Variants in TIMM50 observed in about 807,000 individuals in gnomAD.
TIMM50 encodes mitochondrial import inner membrane translocase subunit TIM50.
A neutral mutation model predicts 49.6 loss-of-function variants in TIMM50; 34 were observed. The ratio of observed to expected loss-of-function variants is 0.69; its 90% CI spans 0.52 to 0.91. The LOEUF is 0.91. TIMM50 is among the 40% of genes least tolerant of loss of function. The probability of loss-of-function intolerance (pLI) is 0.00; values close to 1 mark genes in which losing one functional copy is unlikely to be tolerated. For synonymous variants in TIMM50, 199 were observed against 198.4 expected, an observed-to-expected ratio of 1.00 and a Z score of -0.03; for missense variants, 458 against 477.8, an observed-to-expected ratio of 0.96 and a Z score of 0.39.
rs1007541754 is a variant in TIMM50, at chr19:39,493,650, C to T, written c.*3830C>T. On this transcript the variant is annotated 3_prime_UTR_variant, in exon 11 of 11. Coordinates refer to ENST00000607714, the MANE Select transcript of TIMM50 (RefSeq NM_001001563.5). ...CACCTTGCGACCCCCCACTCCTGCC[C>T]GCCCTTTGACTGTAATTTTCCATTA... 3 of 152,130 alleles carry T rather than the reference C, an allele frequency of 2.0e-5. No homozygotes were observed. Among genetic ancestry groups the T allele is most frequent in the Admixed American group, 6.5e-5 (1 of 15,274 alleles). 9.4% of individuals were successfully genotyped at this position (152,130 alleles called of 1,614,324 possible). A position where few individuals can be genotyped will look rare whatever the true frequency, so the allele number is the denominator to read the frequency against.
intron 6 of TIMM50, 124 bp downstream of exon 6, chr19:39,485,931 G>C: frequency 2.9e-6 from 4 of 1,397,270 alleles, no homozygotes; most frequent in Non-Finnish European, 3.9e-6. Flanking sequence ...TCATTGCCTC[G>C]CTTTCTTCAG....
rs1278522733 is a variant in TIMM50, at chr19:39,492,917, A to G, written c.*3097A>G. The stretch of plus-strand genomic sequence containing the variant: ...ACAAAAAAAAAACCAGTTTGACTTT[A>G]TCTCCCTCGCCCTGCCTCCATCCCC... On this transcript the variant is annotated 3_prime_UTR_variant, in exon 11 of 11. Coordinates refer to ENST00000607714, the MANE Select transcript of TIMM50 (RefSeq NM_001001563.5). 1 of 137,688 alleles carries G rather than the reference A, an allele frequency of 7.3e-6. No homozygotes were observed. The highest frequency in any genetic ancestry group is 2.7e-5 in the African/African-American group (1 of 37,452). 8.5% of individuals were successfully genotyped at this position (137,688 alleles called of 1,614,324 possible). A position where few individuals can be genotyped will look rare whatever the true frequency, so the allele number is the denominator to read the frequency against.
chr19:39,481,004 C>T, intron 1 of TIMM50, 43 bp downstream of exon 1: 1 of 1,531,736 alleles, frequency 6.5e-7, no homozygotes, highest in Non-Finnish European at 8.7e-7. Context: ...GGGTCCCTTC[C>T]CTGGAGTTAC....
chr19:39,484,116 G>T (rs2146151861), intron 4 of TIMM50, among the ~76,000 whole-genome samples: 1 of 152,254 alleles, frequency 6.6e-6, no homozygotes, highest in South Asian at 2.1e-4. Flanking sequence ...GCCTCCCAAA[G>T]TGCTGGGATT....
In TIMM50 at chr19:39,482,018, G is replaced by A. The variant is rs780074231; in HGVS notation, c.244G>A (p.Val82Ile). ...GLLGAGGTVS[V>I]VYIFGNNPVD... ...GCTTGGAGCTGGTGGGACTGTGAGC[G>A]TCGTCTATATCTTTGGTGAGGGACA... Residue 82 changes from valine (V) to isoleucine (I), a missense_variant, in exon 2 of 11, where the codon GTC (valine) becomes ATC (isoleucine). Coordinates refer to ENST00000607714, the MANE Select transcript of TIMM50 (RefSeq NM_001001563.5). The A allele has an allele frequency of 1.2e-6, 2 of 1,614,038 alleles. No individual in the cohort carries two copies. The highest frequency in any genetic ancestry group is 1.1e-5 in the South Asian group (1 of 91,080).
rs1347108197 is a variant in TIMM50, at chr19:39,493,037, A to T, written c.*3217A>T. 6.6e-6 allele frequency: 1 copy of T among 151,778 alleles called. No individual in the cohort carries two copies. The highest frequency in any genetic ancestry group is 1.5e-5 in the Non-Finnish European group (1 of 67,998). 9.4% of individuals were successfully genotyped at this position (151,778 alleles called of 1,614,324 possible). A position where few individuals can be genotyped will look rare whatever the true frequency, so the allele number is the denominator to read the frequency against. ...AAGATGACCTTCTCTGGTGTGTGTG[A>T]TGATAATTAAAAGGCATTCAGAACT... On this transcript the variant is annotated 3_prime_UTR_variant, in exon 11 of 11. Transcript: ENST00000607714.
At chr19:39,485,971 C>A in intron 6 of TIMM50, 164 bp downstream of exon 6, 2 of 1,208,274 alleles carry the variant, frequency 1.7e-6, no homozygotes, top group Non-Finnish European at 2.4e-6. Context: ...CTAACACCCA[C>A]TCTGTAGGGT....
rs1175543219 is a variant in TIMM50 at position 39,486,303 on chromosome 19, G to A, written c.597+12G>A. 1 of 1,613,588 alleles carries A rather than the reference G, an allele frequency of 6.2e-7. No homozygotes were observed. The highest frequency in any genetic ancestry group is 8.5e-7 in the Non-Finnish European group (1 of 1,179,654). ...CAGAGACTGGCATGGTGAGGCTCTG[G>A]GGCAGGGGAGGGAATATTGGTGTGG... On this transcript the variant is annotated intron_variant, in intron 7 of 10. Transcript: ENST00000607714.
Position 39,488,185 on chromosome 19 carries a change from G to T in TIMM50, c.821G>T (p.Arg274Leu), listed in dbSNP as rs777900318. 6.2e-7 allele frequency: 1 copy of T among 1,613,718 alleles called. No individual in the cohort carries two copies. Among genetic ancestry groups the T allele is most frequent in the South Asian group, 1.1e-5 (1 of 91,076 alleles). ...LRPWDGNSDD[R>L]VLLDLSAFLK... ...CCCTGGGACGGCAACTCTGATGACCGGGTCTTGTTGGATCTGTCTGCCTTC... is the reference window on the plus strand; with the variant it reads ...CCCTGGGACGGCAACTCTGATGACCTGGTCTTGTTGGATCTGTCTGCCTTC... Residue 274 changes from arginine to leucine, a missense_variant, in exon 9 of 11, where the codon CGG (arginine) becomes CTG (leucine). Arg to Leu is a moderately radical substitution (Grantham distance 102, BLOSUM62 -2). Transcript: ENST00000607714.
At chr19:39,485,331 T>G in intron 4 of TIMM50, 1 of 608,800 alleles carries the variant, frequency 1.6e-6, no homozygotes, top group South Asian at 2.0e-5. Context: ...TATGTGGATA[T>G]AAGTATCAGC....
intron 6 of TIMM50, 184 bp downstream of exon 6, chr19:39,485,991 G>A: frequency 8.7e-7 from 1 of 1,145,710 alleles, no homozygotes; most frequent in Non-Finnish European, 1.3e-6. Flanking sequence ...TAGTGTAGGT[G>A]TGCCCAGGCA....
intron 4 of TIMM50, among the ~76,000 whole-genome samples, chr19:39,484,600 C>G (rs528088325): frequency 6.6e-6 from 1 of 152,060 alleles, no homozygotes; most frequent in African/African-American, 2.4e-5. Flanking sequence ...TTATATCTCC[C>G]GGCATTGCCA....
At position 39,489,707 on chromosome 19, in the gene TIMM50, C is replaced by A. The variant is rs377536608; in HGVS notation, c.961-12C>A. ...GCGCTGACCCTCTCCTCCAACTGTC[C>A]CCCTACCCCAGGAGGAGCAGCAGCG... On this transcript the variant is annotated splice_polypyrimidine_tract_variant and intron_variant, in intron 10 of 10. Transcript: ENST00000607714. 1.7e-5 allele frequency: 27 copies of A among 1,597,656 alleles called. No individual in the cohort carries two copies. Among genetic ancestry groups the A allele is most frequent in the Admixed American group, 3.5e-5 (2 of 57,384 alleles).
rs1369808672 is a variant in TIMM50 at position 39,490,862 on chromosome 19, T to G, written c.*1042T>G. ...GGAGAAACCCCATCTCTACTAAAAATACAAAATTAGCTGGGCGTGGTGGAG... is the reference window on the plus strand; with the variant it reads ...GGAGAAACCCCATCTCTACTAAAAAGACAAAATTAGCTGGGCGTGGTGGAG... On this transcript the variant is annotated 3_prime_UTR_variant, in exon 11 of 11. Transcript: ENST00000607714. 1.3e-5 allele frequency: 2 copies of G among 151,596 alleles called. No homozygotes were observed. Among genetic ancestry groups the G allele is most frequent in the Non-Finnish European group, 2.9e-5 (2 of 67,970 alleles). 9.4% of individuals were successfully genotyped at this position (151,596 alleles called of 1,614,324 possible). A position where few individuals can be genotyped will look rare whatever the true frequency, so the allele number is the denominator to read the frequency against.
chr19:39,488,994 C>T (rs776463898), intron 10 of TIMM50, among the ~76,000 whole-genome samples: 3 of 150,708 alleles, frequency 2.0e-5, no homozygotes, highest in African/African-American at 4.9e-5. Context: ...TCCCTGGGCA[C>T]GTGGCCCAAG....
In TIMM50 at chr19:39,491,528, TTTTG is replaced by T. The variant is rs2144744051; in HGVS notation, c.*1713_*1716del. On this transcript the variant is annotated 3_prime_UTR_variant, in exon 11 of 11. Transcript: ENST00000607714. ...TGTGACTGAGAAACTGAATTTTTAA[TTTTG>T]TTTGAGACTGGGCACAGTGGCTCAC... The T allele has an allele frequency of 6.6e-6, 1 of 151,778 alleles. No individual in the cohort carries two copies. Among genetic ancestry groups the T allele is most frequent in the East Asian group, 2.0e-4 (1 of 5,056 alleles). 9.4% of individuals were successfully genotyped at this position (151,778 alleles called of 1,614,324 possible).
chr19:39,493,184 G>A lies in TIMM50; in HGVS notation c.*3364G>A, dbSNP rs894888536. The A allele has an allele frequency of 6.6e-6, 1 of 151,996 alleles. No individual in the cohort carries two copies. Among genetic ancestry groups the A allele is most frequent in the South Asian group, 2.1e-4 (1 of 4,828 alleles). 9.4% of individuals were successfully genotyped at this position (151,996 alleles called of 1,614,324 possible). ...GGTGCACTGTCTGTAAGCCGGTGGAGTTATTTCCCAAAATCCTTGGTCCTT... is the reference window on the plus strand; with the variant it reads ...GGTGCACTGTCTGTAAGCCGGTGGAATTATTTCCCAAAATCCTTGGTCCTT... On this transcript the variant is annotated 3_prime_UTR_variant, in exon 11 of 11. Coordinates refer to ENST00000607714, the MANE Select transcript of TIMM50 (RefSeq NM_001001563.5).
At chr19:39,481,060 G>C (rs1380100003) in intron 1 of TIMM50, 99 bp downstream of exon 1, 2 of 1,380,434 alleles carry the variant, frequency 1.4e-6, no homozygotes, top group Non-Finnish European at 1.9e-6. Flanking sequence ...CTCACCTCAG[G>C]GTGCTGAATG....
chr19:39,480,853 G>T lies in TIMM50; in HGVS notation c.-1G>T. 1 of 1,596,496 alleles carries T rather than the reference G, an allele frequency of 6.3e-7. No individual in the cohort carries two copies. ...GCGGGGCCGCGTGGCGTCAGCGCAAGATGGCGGCCTCGGCAGCGGTGTTCT... is the reference window on the plus strand; with the variant it reads ...GCGGGGCCGCGTGGCGTCAGCGCAATATGGCGGCCTCGGCAGCGGTGTTCT... On this transcript the variant is annotated 5_prime_UTR_variant, in exon 1 of 11. Transcript: ENST00000607714.
Sources: gnomAD v4.1 joint callset for allele counts (sites outside exome capture counted in the v4.1 genomes callset) on GRCh38, gnomAD v4.1.1 for gene constraint, MANE v1.5 for transcripts, NCBI Gene and HGNC (gene_info 2026-07-23, HGNC 2026-07-21) for gene names.